PRPF18: variants seen among roughly 807,000 people sequenced by gnomAD.
PRPF18 encodes the protein pre-mRNA-splicing factor 18.
Under a neutral mutation model 46.5 loss-of-function variants are expected in PRPF18, and 38 were observed. The ratio of observed to expected loss-of-function variants is 0.82; its 90% CI spans 0.63 to 1.07. The LOEUF (loss-of-function observed/expected upper bound fraction) is 1.07. PRPF18 is among the 50% of genes least tolerant of loss of function. The pLI is 0.00. For missense variants in PRPF18, 263 were observed against 410.0 expected, an observed-to-expected ratio of 0.64 and a Z score of 3.10; for synonymous variants, 152 against 146.7, an observed-to-expected ratio of 1.04 and a Z score of -0.26.
chr10:13,601,612 T>G (rs531294487), intron 3 of PRPF18, among the ~76,000 whole-genome samples: 1 of 152,326 alleles, frequency 6.6e-6, no homozygotes, highest in Non-Finnish European at 1.5e-5. Flanking sequence ...TGTGCCTTAG[T>G]CTTTTCACTT....
chr10:13,627,620 T>A (rs1042365678), intron 9 of PRPF18, among the ~76,000 whole-genome samples: 39 of 152,222 alleles, frequency 2.6e-4, no homozygotes, highest in Non-Finnish European at 3.7e-4. Context: ...CTCTCAAATC[T>A]TTTTTACAAA....
At chr10:13,612,435 TTTTA>T (rs942351956) in intron 6 of PRPF18, among the ~76,000 whole-genome samples, 7 of 151,720 alleles carry the variant, frequency 4.6e-5, no homozygotes, top group South Asian at 4.2e-4. Flanking sequence ...TTTTTGTATT[TTTTA>T]TTTATTTATT....
At chr10:13,627,644 G>A (rs1050184203) in intron 9 of PRPF18, among the ~76,000 whole-genome samples, 13 of 152,126 alleles carry the variant, frequency 8.5e-5, no homozygotes, top group African/African-American at 2.7e-4. Flanking sequence ...GTATCATACC[G>A]CTCTGTGGTA....
downstream of PRPF18, among the ~76,000 whole-genome samples, chr10:13,635,094 G>A (rs564243690): frequency 7.2e-5 from 11 of 152,236 alleles, no homozygotes; most frequent in Admixed American, 7.2e-4. Context: ...TTACCCCTGT[G>A]TGTCCATGTG....
At chr10:13,652,073 CGAAAG>C in the PRPF18 span, 8 of 767,654 alleles carry the variant, frequency 1.0e-5, no homozygotes, top group Admixed American at 1.8e-5. Flanking sequence ...TTAATATATC[CGAAAG>C]GCTTGCTGAT....
At chr10:13,639,033 A>G in the PRPF18 span, 1 of 152,190 alleles carries the variant, frequency 6.6e-6, no homozygotes, top group Non-Finnish European at 1.5e-5. Context: ...CAAGTGTGCC[A>G]TGGTGCTGAG....
At chr10:13,606,149 A>G (rs1053597843) in intron 4 of PRPF18, among the ~76,000 whole-genome samples, 1 of 152,126 alleles carries the variant, frequency 6.6e-6, no homozygotes, top group Non-Finnish European at 1.5e-5. Flanking sequence ...AAAAGTTGAA[A>G]AAAAAGAGAA....
intron 8 of PRPF18, among the ~76,000 whole-genome samples, chr10:13,616,015 ACC>A (rs767526277): frequency 3.2e-4 from 49 of 151,882 alleles, no homozygotes; most frequent in Non-Finnish European, 1.2e-4. Context: ...CTTCTACATG[ACC>A]CCCTGTGGAG....
chr10:13,632,143 C>G (rs10906431), downstream of PRPF18, among the ~76,000 whole-genome samples: 35,311 of 151,982 alleles, frequency 0.23, 4,227 homozygotes, highest in Non-Finnish European at 0.26. Context: ...AGGTAGAGAC[C>G]ATTCTGGCTA....
At chr10:13,632,276 G>A (rs1055882377), downstream of PRPF18, among the ~76,000 whole-genome samples, 1 of 152,114 alleles carries the variant, frequency 6.6e-6, no homozygotes, top group Non-Finnish European at 1.5e-5. Flanking sequence ...AGGAGGCAGA[G>A]CTTGCAGTGA....
At chr10:13,654,598 AC>A in the PRPF18 span, 3 of 817,220 alleles carry the variant, frequency 3.7e-6, no homozygotes, top group Non-Finnish European at 6.2e-6. Flanking sequence ...GCTGACACCA[AC>A]CCAGTGGCCA....
chr10:13,649,308 T>C, the PRPF18 span: 2 of 131,324 alleles, frequency 1.5e-5, no homozygotes, highest in Non-Finnish European at 3.6e-5. Context: ...GTAGATGAGG[T>C]TAAGGGTTCC....
intron 1 of PRPF18, among the ~76,000 whole-genome samples, chr10:13,596,385 G>A (rs1412630910): frequency 6.6e-6 from 1 of 152,154 alleles, no homozygotes; most frequent in African/African-American, 2.4e-5. Flanking sequence ...GGTTCAAATG[G>A]TGGCAGGCTC....
At chr10:13,589,233 T>C (rs1050066717) in intron 1 of PRPF18, among the ~76,000 whole-genome samples, 1 of 152,182 alleles carries the variant, frequency 6.6e-6, no homozygotes, top group East Asian at 1.9e-4. Flanking sequence ...TTTGGGGAAG[T>C]TGTCTGCCAA....
the PRPF18 span, chr10:13,644,398 G>A: frequency 1.4e-4 from 21 of 152,304 alleles, no homozygotes; most frequent in East Asian, 3.7e-3. Flanking sequence ...AAGGACTAAC[G>A]TTTTATGTAC....
In PRPF18 at chr10:13,614,027, G is replaced by T; in HGVS notation, c.733G>T (p.Asp245Tyr). The T allele has an allele frequency of 6.3e-7, 1 of 1,587,926 alleles. No individual in the cohort carries two copies. The highest frequency in any genetic ancestry group is 1.2e-5 in the South Asian group (1 of 86,730). ...RKLRKRNLPA[D>Y]IKESITDIIK... ...TTATTTTTTTCAGAATCTTCCTGCTGATATTAAAGAATCAATAACGGATAT... is the reference window on the plus strand; with the variant it reads ...TTATTTTTTTCAGAATCTTCCTGCTTATATTAAAGAATCAATAACGGATAT... Residue 245 changes from aspartate to tyrosine, a missense_variant, in exon 8 of 10, where the codon GAT (aspartate) becomes TAT (tyrosine). Asp to Tyr is a radical substitution (Grantham distance 160). Around this residue, in one of 4 missense-constraint regions of PRPF18, gnomAD observed 155 missense variants for 245.1 expected, o/e 0.63. Transcript: ENST00000378572.
At chr10:13,621,553 G>A (rs1018699828) in intron 9 of PRPF18, among the ~76,000 whole-genome samples, 7 of 152,176 alleles carry the variant, frequency 4.6e-5, no homozygotes, top group Non-Finnish European at 7.3e-5. Context: ...GCCAGCGCTA[G>A]GTTGCTCTAC....
chr10:13,589,222 G>C (rs140910038), intron 1 of PRPF18, among the ~76,000 whole-genome samples: 1 of 152,200 alleles, frequency 6.6e-6, no homozygotes. Context: ...ACTTTGTTCA[G>C]TTTGGGGAAG....
chr10:13,606,744 A>C (rs2080190793), intron 4 of PRPF18, among the ~76,000 whole-genome samples: 1 of 151,514 alleles, frequency 6.6e-6, no homozygotes, highest in South Asian at 2.1e-4. Flanking sequence ...AAAAAAAAAA[A>C]AAAAAAAAAA....
Sources: gnomAD v4.1 joint callset for allele counts (sites outside exome capture counted in the v4.1 genomes callset) on GRCh38, gnomAD v4.1.1 for gene constraint, gnomAD v4.1.1 regional missense constraint, MANE v1.5 for transcripts, NCBI Gene and HGNC (gene_info 2026-07-23, HGNC 2026-07-21) for gene names.